LARS1: variants seen among roughly 807,000 people sequenced by gnomAD.
LARS1 encodes the protein leucine--tRNA ligase, cytoplasmic.
Under a neutral mutation model 162.8 loss-of-function variants are expected in LARS1, and 100 were observed. That is an observed-to-expected ratio of 0.61 (90% CI 0.52 to 0.73). The LOEUF (loss-of-function observed/expected upper bound fraction) is 0.73, where lower values mean the gene tolerates loss of function less well. LARS1 is among the 30% of genes least tolerant of loss of function. The pLI, the probability that LARS1 is intolerant of heterozygous loss-of-function variation, is 0.00. For synonymous variants in LARS1, 457 were observed against 462.8 expected, an observed-to-expected ratio of 0.99 and a Z score of 0.16; for missense variants, 1,258 against 1,408.9, an observed-to-expected ratio of 0.89 and a Z score of 1.71.
chr5:146,125,664 AC>A (rs1752012008), intron 28 of LARS1, among the ~76,000 whole-genome samples: 1 of 151,852 alleles, frequency 6.6e-6, no homozygotes, highest in Non-Finnish European at 1.5e-5. Context: ...AGGTCTCAAA[AC>A]TAAGGAGTGA....
Position 146,177,656 on chromosome 5 carries a change from CT to C in LARS1, c.15del (p.Gly6GlufsTer8). ...TTCAAAAAGTCCACTTTGGCTGTTCCTTTTCTTTCCTATTGGACACAAAGAG... is the reference window on the plus strand; with the variant it reads ...TTCAAAAAGTCCACTTTGGCTGTTCCTTTCTTTCCTATTGGACACAAAGAG... MAER[K>X]GTAKVDFLKK... On this transcript the variant is annotated frameshift_variant, in exon 2 of 32. Coordinates refer to ENST00000394434, the MANE Select transcript of LARS1 (RefSeq NM_020117.11). LOFTEE classifies it high-confidence loss of function. 6.4e-7 allele frequency: 1 copy of C among 1,559,398 alleles called. No homozygotes were observed. Among genetic ancestry groups the C allele is most frequent in the Non-Finnish European group, 8.8e-7 (1 of 1,135,014 alleles).
chr5:146,182,568 C>T lies in LARS1; in HGVS notation c.-75G>A, dbSNP rs188183876. The T allele has an allele frequency of 2.5e-6, 4 of 1,600,346 alleles. No individual in the cohort carries two copies. Among genetic ancestry groups the T allele is most frequent in the East Asian group, 2.2e-5 (1 of 44,808 alleles). On this transcript the variant is annotated 5_prime_UTR_variant, in exon 1 of 32. Transcript: ENST00000394434. ...TCCACAAAGGAGTGGTTACCTTTCC[C>T]CTCCCTCTCGGGGATGCCAGGCCTC...
At chr5:146,177,854 C>T (rs1754667540) in intron 1 of LARS1, among the ~76,000 whole-genome samples, 189 bp from the exon 2 acceptor site, 1 of 152,140 alleles carries the variant, frequency 6.6e-6, no homozygotes, top group Admixed American at 6.6e-5. Context: ...AATCCCAGCA[C>T]TTTGGGAGGC....
intron 3 of LARS1, among the ~76,000 whole-genome samples, chr5:146,172,344 C>T (rs538923277): frequency 6.6e-5 from 10 of 152,012 alleles, no homozygotes; most frequent in Middle Eastern, 6.8e-3. Flanking sequence ...GGTGAAATCC[C>T]GTGTCTACTA....
chr5:146,157,860 A>G, intron 8 of LARS1, 65 bp from the exon 9 acceptor site: 5 of 1,465,420 alleles, frequency 3.4e-6, no homozygotes, highest in Non-Finnish European at 3.8e-6. Context: ...CTACTAATCT[A>G]TGTGAGAGAT....
At chr5:146,180,200 A>T (rs1228065621) in intron 1 of LARS1, among the ~76,000 whole-genome samples, 1 of 152,214 alleles carries the variant, frequency 6.6e-6, no homozygotes, top group Non-Finnish European at 1.5e-5. Flanking sequence ...GCACTACTGC[A>T]CTGCAGCCTG....
intron 2 of LARS1, among the ~76,000 whole-genome samples, chr5:146,175,654 C>T (rs1754527875): frequency 6.6e-6 from 1 of 151,640 alleles, no homozygotes; most frequent in Admixed American, 6.6e-5. Context: ...AATGCAACCC[C>T]ATCTCTACTA....
intron 25 of LARS1, among the ~76,000 whole-genome samples, 186 bp downstream of exon 25, chr5:146,129,832 C>T (rs913560020): frequency 3.3e-5 from 5 of 152,222 alleles, no homozygotes; most frequent in African/African-American, 1.2e-4. Flanking sequence ...TAAATAAGGG[C>T]ACATATATCC....
chr5:146,172,594 A>C, intron 3 of LARS1, 93 bp downstream of exon 3: 1 of 580,272 alleles, frequency 1.7e-6, no homozygotes, highest in Non-Finnish European at 2.9e-6. Flanking sequence ...TTCTCTTAAC[A>C]GGAAATAATA....
chr5:146,120,758 C>A (rs1309584305), intron 30 of LARS1, among the ~76,000 whole-genome samples: 1 of 152,186 alleles, frequency 6.6e-6, no homozygotes, highest in African/African-American at 2.4e-5. Context: ...TTCTCTTCCA[C>A]AACCACCATC....
intron 31 of LARS1, among the ~76,000 whole-genome samples, chr5:146,114,802 T>C (rs1764125815): frequency 1.3e-5 from 2 of 151,752 alleles, no homozygotes; most frequent in South Asian, 4.2e-4. Context: ...TCCCAGCACT[T>C]TGGGAGGCTG....
intron 5 of LARS1, among the ~76,000 whole-genome samples, chr5:146,166,556 A>T (rs1166930512): frequency 6.6e-6 from 1 of 152,158 alleles, no homozygotes; most frequent in Non-Finnish European, 1.5e-5. Flanking sequence ...CAAAAAGCTC[A>T]ATGGTATTGG....
chr5:146,161,546 T>C (rs577801227), intron 6 of LARS1, among the ~76,000 whole-genome samples: 2 of 152,014 alleles, frequency 1.3e-5, no homozygotes, highest in African/African-American at 4.8e-5. Context: ...CTAACCAACA[T>C]GGAGAAACCC....
intron 14 of LARS1, among the ~76,000 whole-genome samples, chr5:146,150,480 A>C (rs1206769095): frequency 1.3e-5 from 2 of 152,178 alleles, no homozygotes; most frequent in African/African-American, 4.8e-5. Flanking sequence ...AATCTGAATT[A>C]GCTGGGTGTG....
chr5:146,114,260 C>T lies in LARS1; in HGVS notation c.3377G>A (p.Arg1126Gln), dbSNP rs777759968. ...MRFDDPLLGP[R>Q]RVPVLGKEYT... ...CTCCTTTCCCAGGACAGGAACTCGTCGAGGCCCCAACAGTGGATCATCAAA... is the reference window on the plus strand; with the variant it reads ...CTCCTTTCCCAGGACAGGAACTCGTTGAGGCCCCAACAGTGGATCATCAAA... The change falls in exon 32 of 32, where the codon CGA becomes CAA. Residue 1126 changes from arginine (R) to glutamine (Q), a missense_variant. Arg to Gln is a conservative substitution (Grantham distance 43). Coordinates refer to ENST00000394434, the MANE Select transcript of LARS1 (RefSeq NM_020117.11). The T allele has an allele frequency of 6.2e-6, 10 of 1,613,624 alleles. No homozygotes were observed. Among genetic ancestry groups the T allele is most frequent in the African/African-American group, 1.3e-5 (1 of 74,840 alleles).
At chr5:146,152,998 T>C (rs1467678547) in intron 13 of LARS1, among the ~76,000 whole-genome samples, 176 bp downstream of exon 13, 1 of 152,212 alleles carries the variant, frequency 6.6e-6, no homozygotes, top group Non-Finnish European at 1.5e-5. Flanking sequence ...TGCTTGTTAG[T>C]TTTCCTTTTG....
At chr5:146,142,623 T>C (rs1752833413) in intron 20 of LARS1, among the ~76,000 whole-genome samples, 1 of 152,174 alleles carries the variant, frequency 6.6e-6, no homozygotes, top group Non-Finnish European at 1.5e-5. Flanking sequence ...ACAGGTCAAA[T>C]GAATTACTAG....
intron 31 of LARS1, among the ~76,000 whole-genome samples, chr5:146,120,036 A>C (rs569076325): frequency 1.9e-4 from 29 of 152,310 alleles, no homozygotes; most frequent in African/African-American, 7.0e-4. Flanking sequence ...TATTAAGGGT[A>C]TGTGTTCCTT....
In LARS1 at chr5:146,151,980, C is replaced by T. The variant is rs1355456813; in HGVS notation, c.1307G>A (p.Gly436Asp). The T allele has an allele frequency of 1.9e-6, 3 of 1,614,052 alleles. No individual in the cohort carries two copies. In the Admixed American group the frequency reaches 5.0e-5, roughly 27 times the overall value. Residue 436 changes from glycine to aspartate, a missense_variant, in exon 14 of 32, where the codon GGT becomes GAT. Physicochemically the swap from Gly to Asp is moderately conservative, Grantham distance 94. Coordinates refer to ENST00000394434, the MANE Select transcript of LARS1 (RefSeq NM_020117.11). Reference protein sequence around the residue: ...FEPVPVIEIPGFGNLSAVTIC... With the variant: ...FEPVPVIEIPDFGNLSAVTIC... Reference sequence around the variant, plus strand: ...GGTTACAGCAGAAAGATTTCCAAAACCTGGGATTTCAATGACTGGCACCTG... The same window carrying T: ...GGTTACAGCAGAAAGATTTCCAAAATCTGGGATTTCAATGACTGGCACCTG...
Sources: allele counts gnomAD v4.1 joint callset (sites outside exome capture counted in the v4.1 genomes callset), GRCh38; gene constraint gnomAD v4.1.1; transcripts MANE v1.5; gene names NCBI Gene and HGNC (gene_info 2026-07-23, HGNC 2026-07-21).